Variants in SYT14 observed in about 807,000 individuals in gnomAD.
SYT14 encodes the protein synaptotagmin 14.
SYT14 carries 32 observed loss-of-function variants against 74.2 expected under a neutral mutation model. The observed-to-expected ratio is 0.43, with a 90% confidence interval of 0.33 to 0.58. SYT14 has a LOEUF of 0.58. SYT14 is among the 20% of genes least tolerant of loss of function. The pLI, the probability that SYT14 is intolerant of heterozygous loss-of-function variation, is 0.05. For synonymous variants in SYT14, 298 were observed against 337.7 expected (o/e 0.88, Z 1.29); for missense variants, 791 against 981.8 (o/e 0.81, Z 2.60).
intron 5 of SYT14, among the ~76,000 whole-genome samples, chr1:210,037,076 G>A (rs1458921928): frequency 6.6e-6 from 1 of 151,630 alleles, no homozygotes; most frequent in Non-Finnish European, 1.5e-5. Flanking sequence ...TGTTGTTGTT[G>A]GGAGATTTGT....
chr1:210,086,799 A>G (rs1241260097), intron 5 of SYT14, among the ~76,000 whole-genome samples: 1 of 152,180 alleles, frequency 6.6e-6, no homozygotes, highest in Admixed American at 6.5e-5. Flanking sequence ...CTATCTATGT[A>G]TTTTTAAACT....
chr1:210,033,812 C>T (rs953905725), intron 5 of SYT14, among the ~76,000 whole-genome samples: 4 of 151,678 alleles, frequency 2.6e-5, no homozygotes, highest in African/African-American at 9.7e-5. Context: ...TCATTGGTAA[C>T]TTTGGAAATG....
intron 2 of SYT14, among the ~76,000 whole-genome samples, chr1:209,997,940 C>G (rs2079827429): frequency 2.0e-5 from 3 of 152,120 alleles, no homozygotes; most frequent in Admixed American, 2.0e-4. Context: ...GGAAATTATT[C>G]TTGAAGATTT....
At chr1:209,957,915 C>G (rs2079018184) in intron 2 of SYT14, among the ~76,000 whole-genome samples, 2 of 151,752 alleles carry the variant, frequency 1.3e-5, no homozygotes, top group South Asian at 4.2e-4. Context: ...AATATTTTTT[C>G]TTTTCATTCT....
intron 5 of SYT14, among the ~76,000 whole-genome samples, chr1:210,033,988 C>T (rs1043722344): frequency 3.3e-5 from 5 of 151,670 alleles, no homozygotes; most frequent in Non-Finnish European, 7.4e-5. Flanking sequence ...TTTTGGAAGT[C>T]TGAAAAATCT....
intron 2 of SYT14, among the ~76,000 whole-genome samples, chr1:209,994,542 G>A (rs1164990013): frequency 6.6e-6 from 1 of 152,094 alleles, no homozygotes; most frequent in Non-Finnish European, 1.5e-5. Context: ...GAGAAGGAGA[G>A]AGAAAAATAA....
chr1:210,020,909 A>G (rs1333118484), intron 4 of SYT14, 130 bp from the exon 4 acceptor site: 2 of 710,554 alleles, frequency 2.8e-6, no homozygotes, highest in East Asian at 2.7e-5. Flanking sequence ...GTGTGTTTAT[A>G]TATATAACTT....
intron 2 of SYT14, among the ~76,000 whole-genome samples, chr1:209,985,986 T>C (rs934528798): frequency 2.6e-5 from 4 of 152,192 alleles, no homozygotes; most frequent in Non-Finnish European, 5.9e-5. Context: ...TCAGTTCTCC[T>C]AGGCTTCAAG....
intron 5 of SYT14, among the ~76,000 whole-genome samples, chr1:210,049,073 G>T (rs144376961): frequency 4.5e-4 from 69 of 152,352 alleles, no homozygotes; most frequent in African/African-American, 1.5e-3. Context: ...CTGTGGCTCT[G>T]CAGGGTACAG....
intron 1 of SYT14, among the ~76,000 whole-genome samples, chr1:209,944,989 A>G (rs549343880): frequency 6.6e-6 from 1 of 152,210 alleles, no homozygotes; most frequent in East Asian, 1.9e-4. Flanking sequence ...GCCAGGCAAC[A>G]TATATTCATT....
exon 10 of SYT14, chr1:210,160,911 A>C (rs1435613446): frequency 6.2e-7 from 1 of 1,613,918 alleles, no homozygotes; most frequent in Non-Finnish European, 8.5e-7. Flanking sequence ...CAGCATGAAA[A>C]GAAAAGAGAT....
At chr1:210,017,520 A>G (rs1451635111) in intron 4 of SYT14, among the ~76,000 whole-genome samples, 1 of 152,186 alleles carries the variant, frequency 6.6e-6, no homozygotes, top group East Asian at 1.9e-4. Flanking sequence ...CCAAATTTAT[A>G]TCAAATGTTT....
intron 2 of SYT14, 142 bp from the exon 3 acceptor site, chr1:210,013,491 A>G: frequency 3.7e-6 from 3 of 805,914 alleles, no homozygotes; most frequent in Non-Finnish European, 5.8e-6. Context: ...TTTTTCTTAT[A>G]AACGAAACTG....
At chr1:210,051,068 T>G (rs1245700186) in intron 5 of SYT14, among the ~76,000 whole-genome samples, 1 of 152,210 alleles carries the variant, frequency 6.6e-6, no homozygotes, top group Non-Finnish European at 1.5e-5. Context: ...ACGCATTCAA[T>G]CCAGTACCAG....
At chr1:209,969,994 A>G (rs2102747624) in intron 2 of SYT14, among the ~76,000 whole-genome samples, 1 of 152,140 alleles carries the variant, frequency 6.6e-6, no homozygotes, top group East Asian at 1.9e-4. Context: ...ATATGCAAAT[A>G]TTTTCTCCCA....
At chr1:210,074,354 C>T (rs940588836) in intron 5 of SYT14, among the ~76,000 whole-genome samples, 6 of 152,124 alleles carry the variant, frequency 3.9e-5, no homozygotes, top group African/African-American at 1.4e-4. Flanking sequence ...AGTCACATAG[C>T]TAGTGAATGG....
At chr1:210,096,718 G>T (rs2081972587) in intron 6 of SYT14, among the ~76,000 whole-genome samples, 1 of 152,194 alleles carries the variant, frequency 6.6e-6, no homozygotes, top group African/African-American at 2.4e-5. Flanking sequence ...CAACCTACTA[G>T]GCAGTTGTAG....
At chr1:210,099,436 AG>A (rs2082021338) in intron 6 of SYT14, among the ~76,000 whole-genome samples, 4 of 152,208 alleles carry the variant, frequency 2.6e-5, no homozygotes, top group Non-Finnish European at 5.9e-5. Flanking sequence ...TGTTATGGAA[AG>A]TAAATATTTG....
At position 210,103,778 on chromosome 1, in the gene SYT14, A is replaced by G. The variant is rs967668335; in HGVS notation, c.2034+3317A>G. ...CTCTAAAGGCCTATCCATCTCTGAT[A>G]TTGTCTAATTATGCTAGTATATATT... On this transcript the variant is annotated intron_variant, in intron 7 of 9. Transcript: ENST00000637265. Among the ~76,000 whole-genome samples, 69 of 152,146 alleles carry G rather than the reference A, an allele frequency of 4.5e-4. 1 individual carries two copies. The highest frequency in any genetic ancestry group is 1.6e-3 in the African/African-American group (66 of 41,440).
Sources: gnomAD v4.1 joint callset for allele counts (sites outside exome capture counted in the v4.1 genomes callset) on GRCh38, gnomAD v4.1.1 for gene constraint, MANE v1.5 for transcripts, NCBI Gene and HGNC (gene_info 2026-07-23, HGNC 2026-07-21) for gene names.